The following MCTP2 variants were observed in gnomAD, a reference collection of about 807,000 sequenced individuals.
MCTP2 encodes the protein multiple C2 and transmembrane domain-containing protein 2.
In MCTP2, 132 loss-of-function variants were observed where a neutral mutation model predicts 111.6. The observed-to-expected ratio is 1.18, with a 90% CI of 1.03 to 1.37. MCTP2 has a LOEUF of 1.37. MCTP2 is among the 40% of genes most tolerant of loss of function. The probability of loss-of-function intolerance (pLI) is 0.00; values close to 1 mark genes in which losing one functional copy is unlikely to be tolerated. For synonymous variants in MCTP2, 395 were observed against 387.7 expected, an observed-to-expected ratio of 1.02 and a Z score of -0.22; for missense variants, 1,183 against 1,067.9, an observed-to-expected ratio of 1.11 and a Z score of -1.50.
At chr15:94,290,697 A>G (rs1407239935) in intron 1 of MCTP2, among the ~76,000 whole-genome samples, 1 of 152,246 alleles carries the variant, frequency 6.6e-6, no homozygotes, top group Non-Finnish European at 1.5e-5. Context: ...GCTGAAAAGC[A>G]GAAAGGATGG....
intron 2 of MCTP2, among the ~76,000 whole-genome samples, chr15:94,299,102 A>T (rs2075471262): frequency 7.2e-6 from 1 of 138,060 alleles, no homozygotes; most frequent in Admixed American, 7.7e-5. Context: ...GTTAGCTCAG[A>T]TGGGGAGAAT....
rs182786837 is a variant in MCTP2, at chr15:94,247,874, A to C, written c.-66+16210A>C. On this transcript the variant is annotated intron_variant, in intron 1 of 22. Transcript: ENST00000357742. Reference sequence around the variant, plus strand: ...TGTTAATAAAACGAATCCTCTTCTGAATTCATTCATTTGTTTGTTCCATCA... The same window carrying C: ...TGTTAATAAAACGAATCCTCTTCTGCATTCATTCATTTGTTTGTTCCATCA... Among the ~76,000 whole-genome samples the C allele has an allele frequency of 1.2e-3, 180 of 152,260 alleles. 1 individual carries two copies. The highest frequency in any genetic ancestry group is 4.3e-3 in the African/African-American group (177 of 41,534).
chr15:94,344,443 G>A (rs1345676554), intron 7 of MCTP2, among the ~76,000 whole-genome samples: 1 of 152,166 alleles, frequency 6.6e-6, no homozygotes, highest in Non-Finnish European at 1.5e-5. Context: ...AGCCACAGTA[G>A]AGCTTTGCAG....
intron 14 of MCTP2, among the ~76,000 whole-genome samples, chr15:94,390,126 A>ATGCATATG (rs1478668856): frequency 1.7e-5 from 1 of 59,936 alleles, no homozygotes; most frequent in African/African-American, 4.4e-5. Flanking sequence ...ATATATATAT[A>ATGCATATG]TATATACTTA....
chr15:94,300,627 C>T (rs2075564908), intron 2 of MCTP2, among the ~76,000 whole-genome samples: 1 of 151,980 alleles, frequency 6.6e-6, no homozygotes, highest in African/African-American at 2.4e-5. Context: ...TAAGAAAGTG[C>T]CTCTGCCCTC....
rs1328121683 is a variant in MCTP2, at chr15:94,482,180, A to G, written c.*3146A>G. ...TTCCCTTGGTAAAGCCAGACATTAA[A>G]CAGATACTTTCAAGCAACAGCATGC... On this transcript the variant is annotated 3_prime_UTR_variant, in exon 23 of 23. Transcript: ENST00000357742. 6.6e-6 allele frequency: 1 copy of G among 152,240 alleles called. No individual in the cohort carries two copies. Among genetic ancestry groups the G allele is most frequent in the Non-Finnish European group, 1.5e-5 (1 of 68,046 alleles). The allele number at this position is 152,240 out of a possible 1,614,324, so 9.4% of individuals were successfully genotyped here. A position where few individuals can be genotyped will look rare whatever the true frequency, so the allele number is the denominator to read the frequency against.
At chr15:94,386,934 C>T (rs1291425603) in intron 14 of MCTP2, among the ~76,000 whole-genome samples, 1 of 152,068 alleles carries the variant, frequency 6.6e-6, no homozygotes, top group Non-Finnish European at 1.5e-5. Context: ...AACCCTTACC[C>T]GATTCTGTCT....
intron 10 of MCTP2, among the ~76,000 whole-genome samples, chr15:94,365,592 G>A (rs943817233): frequency 2.0e-5 from 3 of 152,120 alleles, no homozygotes. Flanking sequence ...TCCAATTATG[G>A]TAATACTGCT....
chr15:94,392,032 ACT>A (rs752414889), intron 14 of MCTP2, among the ~76,000 whole-genome samples: 1 of 152,118 alleles, frequency 6.6e-6, no homozygotes, highest in Non-Finnish European at 1.5e-5. Flanking sequence ...TAGGTCAGAA[ACT>A]CGATACAGGT....
At chr15:94,433,631 TG>T (rs2083305804) in intron 17 of MCTP2, among the ~76,000 whole-genome samples, 2 of 152,330 alleles carry the variant, frequency 1.3e-5, no homozygotes, top group African/African-American at 4.8e-5. Context: ...AGAAAAGCTG[TG>T]AATTATGGTA....
At position 94,399,785 on chromosome 15, in the gene MCTP2, TCCA is replaced by T. The variant is rs1033575243; in HGVS notation, c.1891-132_1891-130del. On this transcript the variant is annotated intron_variant, in intron 15 of 22. Transcript: ENST00000357742. ...GAAACATGTACAGGGCACAGGGGTG[TCCA>T]CCATTTCTTTGCTCCCTGCTAAGGT... The T allele has an allele frequency of 4.2e-6, 3 of 715,312 alleles. No homozygotes were observed. In the African/African-American group the frequency reaches 5.3e-5, roughly 13 times the overall value. 44.3% of individuals were successfully genotyped at this position (715,312 alleles called of 1,614,324 possible).
At chr15:94,387,133 C>T (rs952011962) in intron 14 of MCTP2, among the ~76,000 whole-genome samples, 5 of 151,784 alleles carry the variant, frequency 3.3e-5, no homozygotes, top group Non-Finnish European at 7.4e-5. Context: ...CTTCCTCCTT[C>T]CTCCTTCCCC....
chr15:94,244,975 CATA>C (rs2071677977), intron 1 of MCTP2, among the ~76,000 whole-genome samples: 1 of 55,658 alleles, frequency 1.8e-5, no homozygotes, highest in Non-Finnish European at 4.7e-5. Context: ...TATGTATACA[CATA>C]CATATGCACC....
At chr15:94,412,510 G>A (rs1019380367) in intron 17 of MCTP2, among the ~76,000 whole-genome samples, 3 of 152,132 alleles carry the variant, frequency 2.0e-5, no homozygotes, top group Admixed American at 6.5e-5. Context: ...AGATGATAAC[G>A]ATGATCACAA....
chr15:94,353,309 A>T (rs942479144), intron 8 of MCTP2, among the ~76,000 whole-genome samples: 1 of 152,154 alleles, frequency 6.6e-6, no homozygotes, highest in Non-Finnish European at 1.5e-5. Flanking sequence ...GCTCCAGCCA[A>T]GTCGCGCCTG....
chr15:94,295,150 A>T (rs2075212457), intron 1 of MCTP2, among the ~76,000 whole-genome samples: 1 of 151,770 alleles, frequency 6.6e-6, no homozygotes, highest in African/African-American at 2.4e-5. Context: ...GGATTCTGCC[A>T]TGTTGGCCAG....
rs1044075705 is a variant in MCTP2, at chr15:94,480,378, G to T, written c.*1344G>T. 1 of 150,678 alleles carries T rather than the reference G, an allele frequency of 6.6e-6. No individual in the cohort carries two copies. The allele number at this position is 150,678 out of a possible 1,614,324, so 9.3% of individuals were successfully genotyped here. A position where few individuals can be genotyped will look rare whatever the true frequency, so the allele number is the denominator to read the frequency against. ...AATAATCTTCAAACAAAATGTTTAC[G>T]AAAAATGCCAAAGATTCTAAATCTT... On this transcript the variant is annotated 3_prime_UTR_variant, in exon 23 of 23. Coordinates refer to ENST00000357742, the MANE Select transcript of MCTP2 (RefSeq NM_001385001.1).
At position 94,251,865 on chromosome 15, in the gene MCTP2, C is replaced by T. The variant is rs555814311; in HGVS notation, c.-66+20201C>T. 1.0e-3 allele frequency among the ~76,000 whole-genome samples: 159 copies of T among 152,306 alleles called. 1 individual carries two copies. The highest frequency in any genetic ancestry group is 3.6e-3 in the African/African-American group (151 of 41,546). On this transcript the variant is annotated intron_variant, in intron 1 of 22. Coordinates refer to ENST00000357742, the MANE Select transcript of MCTP2 (RefSeq NM_001385001.1). ...ACGAATTTGACTACTTTAAGTAGCTCCCATAAGAGGACTCCTATAGTATTT... is the reference window on the plus strand; with the variant it reads ...ACGAATTTGACTACTTTAAGTAGCTTCCATAAGAGGACTCCTATAGTATTT...
intron 1 of MCTP2, among the ~76,000 whole-genome samples, chr15:94,244,277 T>C (rs1159963043): frequency 8.3e-5 from 11 of 132,552 alleles, no homozygotes; most frequent in South Asian, 2.3e-4. Flanking sequence ...TATACACACA[T>C]ATATACACAT....
Sources: gnomAD v4.1 joint callset for allele counts (sites outside exome capture counted in the v4.1 genomes callset) on GRCh38, gnomAD v4.1.1 for gene constraint, MANE v1.5 for transcripts, NCBI Gene and HGNC (gene_info 2026-07-23, HGNC 2026-07-21) for gene names.